The following SLC12A1 variants were observed in gnomAD, a reference collection of about 807,000 sequenced individuals.
SLC12A1 encodes the protein Na-K-2Cl cotransporter.
Under a neutral mutation model 130.4 loss-of-function variants are expected in SLC12A1, and 89 were observed. The ratio of observed to expected loss-of-function variants is 0.68; its 90% CI spans 0.58 to 0.81. The LOEUF is 0.81. Among genes scored for constraint, SLC12A1 ranks in the 40% least tolerant of loss-of-function variants. SLC12A1 has a pLI of 0.00. For synonymous variants in SLC12A1, 499 were observed against 460.0 expected (o/e 1.08, Z -1.09); for missense variants, 1,310 against 1,336.4 (o/e 0.98, Z 0.31).
chr15:48,269,015 G>C lies in SLC12A1; in HGVS notation c.2296-643G>C, dbSNP rs776406138. On this transcript the variant is annotated intron_variant, in intron 18 of 26. Coordinates refer to ENST00000380993, the MANE Select transcript of SLC12A1 (RefSeq NM_000338.3). Reference sequence around the variant, plus strand: ...AAAAGTGAAGTACAGGAGAACCATGGCAAAAGGACAAGACATAGCACTATG... The same window carrying C: ...AAAAGTGAAGTACAGGAGAACCATGCCAAAAGGACAAGACATAGCACTATG... Among the ~76,000 whole-genome samples, 4 of 152,210 alleles carry C rather than the reference G, an allele frequency of 2.6e-5. No homozygotes were observed. In the South Asian group the frequency reaches 6.2e-4, roughly 24 times the overall value.
intron 9 of SLC12A1, among the ~76,000 whole-genome samples, chr15:48,240,040 TATATATATCC>T (rs1271291988): frequency 6.6e-5 from 1 of 15,064 alleles, no homozygotes; most frequent in African/African-American, 8.8e-5. Flanking sequence ...CATATATATA[TATATATATCC>T]ATATATATAT....
chr15:48,293,599 G>C (rs549366611), intron 24 of SLC12A1, among the ~76,000 whole-genome samples: 1 of 152,100 alleles, frequency 6.6e-6, no homozygotes, highest in South Asian at 2.1e-4. Context: ...TCCTTCCTTT[G>C]ATTTATTGCT....
chr15:48,288,209 A>T, intron 22 of SLC12A1, 35 bp downstream of exon 22: 1 of 1,591,736 alleles, frequency 6.3e-7, no homozygotes, highest in Non-Finnish European at 8.6e-7. Context: ...AGGGACAAGA[A>T]TTTCAATTTT....
At chr15:48,260,913 T>G (rs1282801675) in intron 17 of SLC12A1, among the ~76,000 whole-genome samples, 1 of 152,190 alleles carries the variant, frequency 6.6e-6, no homozygotes, top group East Asian at 1.9e-4. Flanking sequence ...TTCCTCTCAG[T>G]GCTTATATGA....
intron 22 of SLC12A1, 33 bp from the exon 23 acceptor site, chr15:48,288,372 A>T: frequency 8.4e-7 from 1 of 1,189,438 alleles, no homozygotes; most frequent in Non-Finnish European, 1.2e-6. Flanking sequence ...ATTTAGATAT[A>T]CTCATTGTGT....
At chr15:48,294,777 C>T (rs572936159) in intron 24 of SLC12A1, among the ~76,000 whole-genome samples, 21 of 152,312 alleles carry the variant, frequency 1.4e-4, no homozygotes, top group South Asian at 4.1e-4. Context: ...CTGGCCAGTG[C>T]TCTGCAAGAT....
chr15:48,301,177 T>C (rs1378917112), intron 25 of SLC12A1, 138 bp from the exon 26 acceptor site: 1 of 696,950 alleles, frequency 1.4e-6, no homozygotes, highest in African/African-American at 1.8e-5. Flanking sequence ...ACCATAAGTT[T>C]CTAAGCCTGA....
chr15:48,283,677 T>C (rs552770118), intron 20 of SLC12A1, among the ~76,000 whole-genome samples: 1 of 152,380 alleles, frequency 6.6e-6, no homozygotes, highest in African/African-American at 2.4e-5. Flanking sequence ...AGAGTTTGTA[T>C]AGCTTCGCTT....
At chr15:48,235,305 C>T (rs1048308456) in intron 9 of SLC12A1, 24 of 353,226 alleles carry the variant, frequency 6.8e-5, no homozygotes, top group Non-Finnish European at 8.9e-5. Flanking sequence ...CACCCTTTCT[C>T]TTTTAAACCC....
At chr15:48,227,255 A>G (rs2041301940) in intron 5 of SLC12A1, 2 of 1,040,492 alleles carry the variant, frequency 1.9e-6, no homozygotes, top group Non-Finnish European at 2.9e-6. Flanking sequence ...AAGTGAAAGT[A>G]ACATATTGCT....
At chr15:48,290,885 T>C (rs1440764261) in intron 23 of SLC12A1, among the ~76,000 whole-genome samples, 1 of 152,270 alleles carries the variant, frequency 6.6e-6, no homozygotes, top group East Asian at 1.9e-4. Context: ...GGACAATTAG[T>C]ATAATTTGAA....
chr15:48,243,957 G>A (rs1279648790), intron 10 of SLC12A1, among the ~76,000 whole-genome samples: 2 of 152,258 alleles, frequency 1.3e-5, no homozygotes, highest in East Asian at 3.9e-4. Flanking sequence ...ACATGGCAAA[G>A]ATTAGTTAGA....
At chr15:48,299,397 T>C in intron 25 of SLC12A1, 122 bp downstream of exon 25, 1 of 897,514 alleles carries the variant, frequency 1.1e-6, no homozygotes, top group Non-Finnish European at 1.6e-6. Flanking sequence ...AGATCCAAGC[T>C]TTCTGCATTT....
chr15:48,225,582 T>C (rs971051646), intron 4 of SLC12A1: 1 of 152,056 alleles, frequency 6.6e-6, no homozygotes, highest in Non-Finnish European at 1.5e-5. Context: ...AATAATAAGA[T>C]GGGGTGCACA....
At chr15:48,230,860 A>G (rs1001310615) in intron 7 of SLC12A1, among the ~76,000 whole-genome samples, 1 of 152,218 alleles carries the variant, frequency 6.6e-6, no homozygotes, top group Admixed American at 6.5e-5. Context: ...AAAGCCCAAG[A>G]GAAATGGCAA....
chr15:48,246,674 G>A (rs781522942), intron 11 of SLC12A1, among the ~76,000 whole-genome samples: 4 of 152,102 alleles, frequency 2.6e-5, no homozygotes, highest in African/African-American at 4.8e-5. Flanking sequence ...CCAGCTACTC[G>A]GTAGGCTAAG....
At chr15:48,241,637 A>G in intron 10 of SLC12A1, 38 bp downstream of exon 10, 10 of 1,432,080 alleles carry the variant, frequency 7.0e-6, no homozygotes, top group Non-Finnish European at 9.9e-6. Context: ...TGTCAGAATT[A>G]CGAGGGGTCC....
intron 23 of SLC12A1, among the ~76,000 whole-genome samples, chr15:48,290,129 TTTTC>T (rs1333253688): frequency 1.3e-5 from 2 of 152,144 alleles, no homozygotes; most frequent in African/African-American, 4.8e-5. Flanking sequence ...TTTTAAACTG[TTTTC>T]TTTTTTTCTT....
At chr15:48,260,727 T>C (rs999428350) in intron 17 of SLC12A1, among the ~76,000 whole-genome samples, 4 of 152,088 alleles carry the variant, frequency 2.6e-5, no homozygotes, top group African/African-American at 9.7e-5. Flanking sequence ...ACTACTTAAA[T>C]CTCCAATACC....
Sources: allele counts gnomAD v4.1 joint callset (sites outside exome capture counted in the v4.1 genomes callset), GRCh38; gene constraint gnomAD v4.1.1; transcripts MANE v1.5; gene names NCBI Gene and HGNC (gene_info 2026-07-23, HGNC 2026-07-21).